The following SPTBN5 variants were observed in gnomAD, a reference collection of about 807,000 sequenced individuals.
The protein encoded by SPTBN5 is spectrin beta, non-erythrocytic 5.
SPTBN5 carries 513 observed loss-of-function variants against 477.6 expected under a neutral mutation model. The observed-to-expected ratio is 1.07, with a 90% confidence interval of 1.00 to 1.16. The LOEUF (loss-of-function observed/expected upper bound fraction) is 1.16. Among genes scored for constraint, SPTBN5 ranks in the 50% most tolerant of loss-of-function variants. The pLI is 0.00. For missense variants in SPTBN5, 5,062 were observed against 4,731.8 expected, an observed-to-expected ratio of 1.07 and a Z score of -2.05; for synonymous variants, 2,169 against 2,011.7, an observed-to-expected ratio of 1.08 and a Z score of -2.09.
intron 32 of SPTBN5, 127 bp downstream of exon 32, chr15:41,869,714 G>A (rs2066464610): frequency 3.9e-6 from 4 of 1,018,954 alleles, no homozygotes; most frequent in South Asian, 2.5e-5. Flanking sequence ...CCGTGTGCTC[G>A]TGCTCTCCCA....
chr15:41,880,344 G>A, intron 13 of SPTBN5, 32 bp from the exon 14 acceptor site: 3 of 1,567,234 alleles, frequency 1.9e-6, no homozygotes, highest in Non-Finnish European at 1.7e-6. Context: ...CTGGGGTGAG[G>A]GTCAGGGCCC....
At position 41,870,342 on chromosome 15, in the gene SPTBN5, C is replaced by T. The variant is rs899364712; in HGVS notation, c.5574G>A (p.Thr1858=). ...EVLTQVQEKA[T]SLPNNVARDL... is the part of the protein sequence containing the mutation. ...CCCGTGCCACATTGTTGGGGAGGCTCGTGGCTTTCTCCTGAGGAAGGGAGA... is the reference window on the plus strand; with the variant it reads ...CCCGTGCCACATTGTTGGGGAGGCTTGTGGCTTTCTCCTGAGGAAGGGAGA... Residue 1858 remains threonine, a synonymous_variant, in exon 31 of 68, where the codon ACG becomes ACA. Transcript: ENST00000320955. 8 of 1,572,938 alleles carry T rather than the reference C, an allele frequency of 5.1e-6. No individual in the cohort carries two copies. Among genetic ancestry groups the T allele is most frequent in the East Asian group, 2.3e-5 (1 of 42,610 alleles).
chr15:41,883,223 C>G lies in SPTBN5; in HGVS notation c.1665G>C (p.Pro555=), dbSNP rs148297597. The part of the protein sequence containing the change: ...ASHQLEELQE[P]ARSTACGQQL... Reference sequence around the variant, plus strand: ...GCTGCCCACAGGCGGTGGACCTGGCCGGCTCCTGGCCAGAGATGATGGTCA... The same window carrying G: ...GCTGCCCACAGGCGGTGGACCTGGCGGGCTCCTGGCCAGAGATGATGGTCA... Residue 555 remains proline (P), a synonymous_variant, in exon 9 of 68, where the codon CCG becomes CCC. Transcript: ENST00000320955. The G allele has an allele frequency of 1.2e-6, 2 of 1,609,176 alleles. No homozygotes were observed. Among genetic ancestry groups the G allele is most frequent in the Admixed American group, 3.4e-5 (2 of 59,624 alleles).
intron 14 of SPTBN5, 55 bp from the exon 15 acceptor site, chr15:41,879,919 C>T (rs528770621): frequency 1.8e-5 from 29 of 1,606,410 alleles, no homozygotes; most frequent in Admixed American, 8.5e-5. Context: ...TTCCACACTC[C>T]CCTCTAGCCT....
chr15:41,850,017 G>T (rs2065699478), intron 66 of SPTBN5, 58 bp from the exon 67 acceptor site: 2 of 1,397,852 alleles, frequency 1.4e-6, no homozygotes, highest in African/African-American at 2.9e-5. Flanking sequence ...CAGGCGCCAG[G>T]TCTGGCTGCT....
Position 41,861,851 on chromosome 15 carries a change from G to T in SPTBN5, c.7621C>A (p.His2541Asn). The change falls in exon 45 of 68, where the codon CAC becomes AAC. Residue 2541 changes from histidine to asparagine, a missense_variant. Physicochemically the swap from His to Asn is moderately conservative, Grantham distance 68. Coordinates refer to ENST00000320955, the MANE Select transcript of SPTBN5 (RefSeq NM_016642.4). ...STGQQLLTAG[H>N]PFSSDIRQVL... ...TGGCGAATGTCGGAGCTGAAGGGGT[G>T]CCCCGCTGTGAGCAGTTGCTGCCCA... 1 of 1,607,650 alleles carries T rather than the reference G, an allele frequency of 6.2e-7. No homozygotes were observed.
Position 41,856,608 on chromosome 15 carries a change from A to G in SPTBN5, c.8809-10T>C. The G allele has an allele frequency of 1.3e-6, 2 of 1,563,240 alleles. No individual in the cohort carries two copies. The highest frequency in any genetic ancestry group is 1.7e-4 in the Middle Eastern group (1 of 5,976). Reference sequence around the variant, plus strand: ...TCTCACTCTCCAGGTTCTGCGGGGGAGGAGGCAGGAGGATGCGGATGTTGC... The same window carrying G: ...TCTCACTCTCCAGGTTCTGCGGGGGGGGAGGCAGGAGGATGCGGATGTTGC... On this transcript the variant is annotated splice_polypyrimidine_tract_variant and intron_variant, in intron 52 of 67. Coordinates refer to ENST00000320955, the MANE Select transcript of SPTBN5 (RefSeq NM_016642.4).
At chr15:41,874,758 C>T in intron 23 of SPTBN5, 84 bp downstream of exon 23, 2 of 1,404,530 alleles carry the variant, frequency 1.4e-6, no homozygotes, top group Non-Finnish European at 1.9e-6. Context: ...GGTCTGGACA[C>T]CCCGGTCCTG....
chr15:41,881,986 G>A lies in SPTBN5; in HGVS notation c.2407C>T (p.Arg803Trp), dbSNP rs1195070683. 3 of 1,535,702 alleles carry A rather than the reference G, an allele frequency of 2.0e-6. No individual in the cohort carries two copies. Among genetic ancestry groups the A allele is most frequent in the East Asian group, 5.0e-5 (2 of 39,744 alleles). Reference protein sequence around the residue: ...VLRAFAAELRRLEEQGRAASA... With the variant: ...VLRAFAAELRWLEEQGRAASA... ...GCCGCCCGCCCCTGCTCCTCCAGCC[G>A]CCGCAGCTCGGCCGCGAAGGCGCGC... Residue 803 changes from arginine to tryptophan, a missense_variant, in exon 12 of 68, where the codon CGG becomes TGG. Coordinates refer to ENST00000320955, the MANE Select transcript of SPTBN5 (RefSeq NM_016642.4).
intron 45 of SPTBN5, 38 bp from the exon 46 acceptor site, chr15:41,861,534 G>A (rs755849638): frequency 2.5e-6 from 4 of 1,601,422 alleles, no homozygotes; most frequent in Non-Finnish European, 3.4e-6. Flanking sequence ...AGTCGGTGGA[G>A]GGTCCAGCCA....
At position 41,876,140 on chromosome 15, in the gene SPTBN5, G is replaced by A. The variant is rs769531931; in HGVS notation, c.4096C>T (p.Arg1366Cys). The change falls in exon 21 of 68, where the codon CGC becomes TGC. Residue 1366 changes from arginine to cysteine, a missense_variant. Transcript: ENST00000320955. ...EAAESELLAT[R>C]RHVEALQQVG... Reference sequence around the variant, plus strand: ...TGCTGCAGGGCCTCCACGTGTCTGCGGGTGGCGAGTAGCTCGCTCTCAGCT... The same window carrying A: ...TGCTGCAGGGCCTCCACGTGTCTGCAGGTGGCGAGTAGCTCGCTCTCAGCT... 1.4e-5 allele frequency: 22 copies of A among 1,602,996 alleles called. No homozygotes were observed. The highest frequency in any genetic ancestry group is 1.1e-4 in the East Asian group (5 of 44,860).
intron 29 of SPTBN5, among the ~76,000 whole-genome samples, chr15:41,871,095 C>T (rs2140942665): frequency 6.6e-6 from 1 of 152,340 alleles, no homozygotes; most frequent in Non-Finnish European, 1.5e-5. Context: ...TGGGGTAGCT[C>T]AGGGGAAGGC....
chr15:41,875,671 AC>A, intron 21 of SPTBN5, 49 bp from the exon 22 acceptor site: 1 of 1,523,238 alleles, frequency 6.6e-7, no homozygotes, highest in Middle Eastern at 1.7e-4. Flanking sequence ...TGCTGGTACC[AC>A]CAGTGGCCGC....
chr15:41,864,638 C>T (rs756448832), intron 39 of SPTBN5, among the ~76,000 whole-genome samples: 18 of 152,176 alleles, frequency 1.2e-4, no homozygotes, highest in Non-Finnish European at 1.9e-4. Flanking sequence ...AATGAAAATT[C>T]GGCTTCTTGG....
Position 41,848,588 on chromosome 15 carries a change from G to T in SPTBN5, c.*28C>A. The T allele has an allele frequency of 6.2e-7, 1 of 1,613,826 alleles. No individual in the cohort carries two copies. ...TAGATGTGTCCTCGCTTGTGCCCCT[G>T]AAGTTTGGTGTTGCACTGGGGTTCA... On this transcript the variant is annotated 3_prime_UTR_variant, in exon 68 of 68. Coordinates refer to ENST00000320955, the MANE Select transcript of SPTBN5 (RefSeq NM_016642.4).
In SPTBN5 at chr15:41,863,856, T is replaced by C. The variant is rs370540853; in HGVS notation, c.7035-38A>G. The C allele has an allele frequency of 1.9e-6, 3 of 1,612,732 alleles. No individual in the cohort carries two copies. The African/African-American group carries it at 4.0e-5, about 22-fold the overall frequency. ...TGGTGGTGTCATGTGGAGCCTGAGG[T>C]GGCCTTCCACCCCTCTTCCCGGCCC... On this transcript the variant is annotated intron_variant, in intron 40 of 67. Coordinates refer to ENST00000320955, the MANE Select transcript of SPTBN5 (RefSeq NM_016642.4).
At chr15:41,866,267 T>G (rs2066306768) in intron 37 of SPTBN5, 38 bp from the exon 38 acceptor site, 1 of 1,577,350 alleles carries the variant, frequency 6.3e-7, no homozygotes. Context: ...TCTTGCCTGC[T>G]GCACTTCCTC....
chr15:41,853,231 C>T lies in SPTBN5; in HGVS notation c.10170+27G>A, dbSNP rs189916053. ...CAATCAGGCTGTATCCCCAGCCCAACCCCAGGCCCACCCTCTGAGTTCACA... is the reference window on the plus strand; with the variant it reads ...CAATCAGGCTGTATCCCCAGCCCAATCCCAGGCCCACCCTCTGAGTTCACA... On this transcript the variant is annotated intron_variant, in intron 59 of 67. Coordinates refer to ENST00000320955, the MANE Select transcript of SPTBN5 (RefSeq NM_016642.4). 6.4e-4 allele frequency: 1,002 copies of T among 1,560,258 alleles called. 2 individuals are homozygous for T. Among genetic ancestry groups the T allele is most frequent in the Middle Eastern group, 6.2e-3 (36 of 5,836 alleles).
At chr15:41,861,536 G>A in intron 45 of SPTBN5, 40 bp from the exon 46 acceptor site, 1 of 1,596,140 alleles carries the variant, frequency 6.3e-7, no homozygotes, top group Non-Finnish European at 8.6e-7. Context: ...TCGGTGGAGG[G>A]TCCAGCCACT....
Sources: allele counts gnomAD v4.1 joint callset (sites outside exome capture counted in the v4.1 genomes callset), GRCh38; gene constraint gnomAD v4.1.1; transcripts MANE v1.5; gene names NCBI Gene and HGNC (gene_info 2026-07-23, HGNC 2026-07-21).